EGF: variants seen among roughly 807,000 people sequenced by gnomAD.
The protein encoded by EGF is epidermal growth factor.
Under a neutral mutation model 143.8 loss-of-function variants are expected in EGF, and 95 were observed. That is an observed-to-expected ratio of 0.66 (90% CI 0.56 to 0.78). The LOEUF (loss-of-function observed/expected upper bound fraction) is 0.78. Ranked by LOEUF, EGF falls within the 30% of genes least tolerant of loss-of-function variation. The pLI, the probability that EGF is intolerant of heterozygous loss-of-function variation, is 0.00. For synonymous variants in EGF, 510 were observed against 510.5 expected, an observed-to-expected ratio of 1.00 and a Z score of 0.01; for missense variants, 1,320 against 1,470.9, an observed-to-expected ratio of 0.90 and a Z score of 1.68.
At chr4:109,954,073 A>G (rs1349164978) in intron 5 of EGF, among the ~76,000 whole-genome samples, 1 of 151,886 alleles carries the variant, frequency 6.6e-6, no homozygotes, top group Non-Finnish European at 1.5e-5. Flanking sequence ...TTATTTTGAG[A>G]CGGAGTCTCG....
chr4:109,939,198 C>T (rs558410573), intron 1 of EGF, among the ~76,000 whole-genome samples: 1 of 152,222 alleles, frequency 6.6e-6, no homozygotes, highest in Non-Finnish European at 1.5e-5. Flanking sequence ...TTCCCTGCCT[C>T]TTTGTTTACA....
In EGF at chr4:109,993,265, T is replaced by C; in HGVS notation, c.2753T>C (p.Leu918Pro). The C allele has an allele frequency of 2.5e-6, 4 of 1,613,762 alleles. No individual in the cohort carries two copies. The highest frequency in any genetic ancestry group is 3.4e-6 in the Non-Finnish European group (4 of 1,179,886). Residue 918 changes from leucine to proline, a missense_variant, in exon 19 of 24, where the codon CTG becomes CCG. Transcript: ENST00000265171. ...CTGACAGATATTGATGAGTGCCAAC[T>C]GGGGGAGCACAGCTGTGGAGAGAAT... ...IHCLDIDECQ[L>P]GEHSCGENAS...
At chr4:109,917,438 T>G (rs1006655043) in intron 1 of EGF, among the ~76,000 whole-genome samples, 11 of 152,298 alleles carry the variant, frequency 7.2e-5, no homozygotes, top group African/African-American at 2.4e-4. Context: ...AAAATCCATT[T>G]CAAATTATTC....
chr4:109,972,837 C>T (rs1391790193), intron 11 of EGF, among the ~76,000 whole-genome samples: 1 of 152,186 alleles, frequency 6.6e-6, no homozygotes, highest in Non-Finnish European at 1.5e-5. Flanking sequence ...GTTCCCTACA[C>T]AGCACCTAGA....
intron 5 of EGF, among the ~76,000 whole-genome samples, chr4:109,950,367 CTG>C (rs1161979983): frequency 1.3e-5 from 2 of 152,158 alleles, no homozygotes; most frequent in Non-Finnish European, 2.9e-5. Flanking sequence ...AAATCAGTCT[CTG>C]CATCCCAACA....
chr4:109,961,654 A>G (rs1216513850), intron 7 of EGF, among the ~76,000 whole-genome samples: 1 of 152,168 alleles, frequency 6.6e-6, no homozygotes, highest in Admixed American at 6.5e-5. Flanking sequence ...CCTTCCTATC[A>G]TTTAATATCC....
chr4:109,931,265 G>A (rs1324683001), intron 1 of EGF, among the ~76,000 whole-genome samples: 2 of 152,102 alleles, frequency 1.3e-5, no homozygotes, highest in East Asian at 3.8e-4. Context: ...TATTCACAAA[G>A]CCTAATTCTC....
Position 110,013,455 on chromosome 4 carries a change from G to A in EGF, c.*2000G>A, listed in dbSNP as rs1190321249. Among the ~76,000 whole-genome samples the A allele has an allele frequency of 1.3e-5, 2 of 151,990 alleles. No homozygotes were observed. Among genetic ancestry groups the A allele is most frequent in the Admixed American group, 6.6e-5 (1 of 15,252 alleles). The stretch of plus-strand genomic sequence containing the variant: ...TAGGCTATCTACCAGCTCCTGGTCG[G>A]ATTAAAGAAAAAACACACTTTGTGT... On this transcript the variant is annotated 3_prime_UTR_variant, in exon 24 of 24. Transcript: ENST00000265171.
chr4:109,942,673 A>C (rs1424449678), intron 2 of EGF, among the ~76,000 whole-genome samples: 3 of 152,208 alleles, frequency 2.0e-5, no homozygotes, highest in Non-Finnish European at 4.4e-5. Context: ...ATCATGAAAG[A>C]GTTGGGAATA....
chr4:109,998,999 A>C (rs1687660845), intron 20 of EGF, among the ~76,000 whole-genome samples: 1 of 151,882 alleles, frequency 6.6e-6, no homozygotes, highest in African/African-American at 2.4e-5. Flanking sequence ...AAAAAAGTTC[A>C]GCAGTTCACT....
chr4:109,922,591 A>G (rs1737990366), intron 1 of EGF, among the ~76,000 whole-genome samples: 1 of 151,698 alleles, frequency 6.6e-6, no homozygotes, highest in Non-Finnish European at 1.5e-5. Context: ...TTGGTTCTTT[A>G]TACAGTGGGT....
chr4:109,959,524 T>A, intron 6 of EGF, 87 bp downstream of exon 6: 1 of 1,606,574 alleles, frequency 6.2e-7, no homozygotes, highest in Non-Finnish European at 8.5e-7. Context: ...TTGTCTTCAG[T>A]GGGCCAGCCA....
At chr4:109,968,224 G>C (rs1403206124) in intron 10 of EGF, among the ~76,000 whole-genome samples, 1 of 152,126 alleles carries the variant, frequency 6.6e-6, no homozygotes, top group Non-Finnish European at 1.5e-5. Flanking sequence ...GCATCTGATT[G>C]AATATAAGAT....
chr4:109,979,261 G>A (rs1748956331), intron 13 of EGF, among the ~76,000 whole-genome samples: 1 of 152,096 alleles, frequency 6.6e-6, no homozygotes. Context: ...GGGGTCACGG[G>A]GATGAGGAAA....
At chr4:109,978,079 A>G (rs1345917322) in intron 13 of EGF, among the ~76,000 whole-genome samples, 1 of 152,200 alleles carries the variant, frequency 6.6e-6, no homozygotes, top group African/African-American at 2.4e-5. Flanking sequence ...TAACATTCCC[A>G]TTATTACAGT....
chr4:109,964,571 G>T, intron 10 of EGF, 34 bp downstream of exon 10: 3 of 1,613,420 alleles, frequency 1.9e-6, no homozygotes, highest in Non-Finnish European at 2.5e-6. Flanking sequence ...ATGTGGACAT[G>T]CTTTAAGGAC....
chr4:109,943,969 C>A lies in EGF; in HGVS notation c.637C>A (p.Arg213=). 2.5e-6 allele frequency: 4 copies of A among 1,614,086 alleles called. No homozygotes were observed. The highest frequency in any genetic ancestry group is 3.4e-6 in the Non-Finnish European group (4 of 1,180,024). The change falls in exon 4 of 24, where the codon CGG becomes AGG. Residue 213 remains arginine, a synonymous_variant. Coordinates refer to ENST00000265171, the MANE Select transcript of EGF (RefSeq NM_001963.6). Reference sequence around the variant, plus strand: ...TGTGTCATTGGATGTGCTTGATAAGCGGCTGTTTTGGATTCAGTACAACAG... The same window carrying A: ...TGTGTCATTGGATGTGCTTGATAAGAGGCTGTTTTGGATTCAGTACAACAG... ...TAVSLDVLDK[R]LFWIQYNREG...
intron 2 of EGF, among the ~76,000 whole-genome samples, chr4:109,941,881 C>T (rs1447456353): frequency 6.6e-6 from 1 of 152,244 alleles, no homozygotes; most frequent in African/African-American, 2.4e-5. Context: ...AGAACCCTTA[C>T]ATGAGTCCCA....
intron 1 of EGF, among the ~76,000 whole-genome samples, chr4:109,923,814 T>A (rs1259381716): frequency 3.3e-5 from 5 of 151,332 alleles, no homozygotes; most frequent in Non-Finnish European, 7.4e-5. Context: ...AGAGACAGGA[T>A]TTCGCCATGT....
Sources: gnomAD v4.1 joint callset for allele counts (sites outside exome capture counted in the v4.1 genomes callset) on GRCh38, gnomAD v4.1.1 for gene constraint, MANE v1.5 for transcripts, NCBI Gene and HGNC (gene_info 2026-07-23, HGNC 2026-07-21) for gene names.